Variants in DYM observed in about 807,000 individuals in gnomAD.
The protein encoded by DYM is dymeclin, also known as dyggve-Melchior-Clausen syndrome protein.
A neutral mutation model predicts 93.1 loss-of-function variants in DYM; 78 were observed. The ratio of observed to expected loss-of-function variants is 0.84; its 90% CI spans 0.70 to 1.01. The LOEUF (loss-of-function observed/expected upper bound fraction) is 1.01, where lower values mean the gene tolerates loss of function less well. Ranked by LOEUF, DYM falls within the 50% of genes least tolerant of loss-of-function variation. The probability of loss-of-function intolerance (pLI) is 0.00; values close to 1 mark genes in which losing one functional copy is unlikely to be tolerated. For missense variants in DYM, 789 were observed against 845.0 expected (o/e 0.93, Z 0.82); for synonymous variants, 321 against 319.7 (o/e 1.00, Z -0.04).
intron 2 of DYM, among the ~76,000 whole-genome samples, chr18:49,425,125 A>G (rs2074138852): frequency 1.3e-5 from 2 of 152,156 alleles, no homozygotes; most frequent in South Asian, 2.1e-4. Flanking sequence ...CAGGCATCAC[A>G]CTACCTGACT....
chr18:49,439,745 T>C (rs995616907), intron 1 of DYM, among the ~76,000 whole-genome samples: 5 of 152,322 alleles, frequency 3.3e-5, no homozygotes, highest in African/African-American at 1.2e-4. Context: ...GGCTCATGCC[T>C]GTAATTCCAG....
intron 13 of DYM, among the ~76,000 whole-genome samples, chr18:49,247,647 C>T (rs560798729): frequency 2.8e-4 from 42 of 152,276 alleles, no homozygotes; most frequent in African/African-American, 9.6e-4. Flanking sequence ...ATCTGATAAA[C>T]ATATGACATG....
chr18:49,292,297 C>CAG (rs2060163283), intron 8 of DYM, among the ~76,000 whole-genome samples: 1 of 95,676 alleles, frequency 1.0e-5, no homozygotes. Flanking sequence ...TCCACCAACA[C>CAG]AGACAGACAG....
At chr18:49,220,132 C>T (rs1486864314) in intron 13 of DYM, among the ~76,000 whole-genome samples, 1 of 152,162 alleles carries the variant, frequency 6.6e-6, no homozygotes, top group Non-Finnish European at 1.5e-5. Context: ...AGAGCCAAAT[C>T]ATGAGTGAAC....
chr18:49,271,281 A>C (rs1315074382), intron 11 of DYM, among the ~76,000 whole-genome samples: 2 of 152,210 alleles, frequency 1.3e-5, no homozygotes, highest in Admixed American at 6.5e-5. Flanking sequence ...CAAGAAAGGA[A>C]ACGCAATTAT....
At chr18:49,214,914 G>A (rs1485476999) in intron 13 of DYM, among the ~76,000 whole-genome samples, 5 of 152,186 alleles carry the variant, frequency 3.3e-5, no homozygotes, top group South Asian at 4.1e-4. Flanking sequence ...CAGAATCACA[G>A]GGCTGGGAGA....
Position 49,413,247 on chromosome 18 carries a change from G to A in DYM, c.140+17008C>T, listed in dbSNP as rs937934628. 4.6e-5 allele frequency: 7 copies of A among 152,062 alleles called. No homozygotes were observed. The East Asian group carries it at 7.7e-4, about 17-fold the overall frequency. 9.4% of individuals were successfully genotyped at this position (152,062 alleles called of 1,614,324 possible). A position where few individuals can be genotyped will look rare whatever the true frequency, so the allele number is the denominator to read the frequency against. ...TTTAAATTAAATCTGGTCCTTACTT[G>A]CTACTCACTGTGTGGCTTTAGACAA... On this transcript the variant is annotated intron_variant, in intron 2 of 17. Transcript: ENST00000675505.
intron 16 of DYM, among the ~76,000 whole-genome samples, chr18:49,108,418 C>T (rs1342863825): frequency 6.6e-6 from 1 of 152,244 alleles, no homozygotes; most frequent in African/African-American, 2.4e-5. Flanking sequence ...CTGTCCTACA[C>T]CCACTTTCCG....
At chr18:49,452,574 G>C (rs1659569361) in intron 1 of DYM, among the ~76,000 whole-genome samples, 1 of 152,118 alleles carries the variant, frequency 6.6e-6, no homozygotes, top group African/African-American at 2.4e-5. Context: ...TACAAACCTT[G>C]AGCTAGACAC....
chr18:49,210,587 G>A (rs2092733034), intron 13 of DYM, among the ~76,000 whole-genome samples: 1 of 152,246 alleles, frequency 6.6e-6, no homozygotes, highest in Admixed American at 6.5e-5. Flanking sequence ...AGGATTTTTA[G>A]GACAGTGAAG....
At chr18:49,229,097 A>G (rs148706565) in intron 13 of DYM, among the ~76,000 whole-genome samples, 1 of 151,728 alleles carries the variant, frequency 6.6e-6, no homozygotes, top group African/African-American at 2.4e-5. Flanking sequence ...AAATGATTCT[A>G]TATTATTTAT....
intron 9 of DYM, among the ~76,000 whole-genome samples, chr18:49,283,535 T>C (rs1454394694): frequency 6.6e-6 from 1 of 152,074 alleles, no homozygotes; most frequent in Non-Finnish European, 1.5e-5. Context: ...TTCCAACAGT[T>C]AACTGGATTT....
intron 2 of DYM, among the ~76,000 whole-genome samples, chr18:49,392,166 T>C (rs566209081): frequency 6.6e-6 from 1 of 152,052 alleles, no homozygotes; most frequent in South Asian, 2.1e-4. Flanking sequence ...GATACAAAGA[T>C]ACAAACATAC....
chr18:49,415,364 G>A (rs1600079325), intron 2 of DYM, among the ~76,000 whole-genome samples: 2 of 146,072 alleles, frequency 1.4e-5, no homozygotes, highest in East Asian at 2.0e-4. Flanking sequence ...TTAAAAATGA[G>A]AGAGAATTAA....
chr18:49,207,529 T>A (rs2092576768), intron 14 of DYM, among the ~76,000 whole-genome samples: 1 of 152,208 alleles, frequency 6.6e-6, no homozygotes, highest in Non-Finnish European at 1.5e-5. Flanking sequence ...TTAACATTTA[T>A]GGAATGTTAA....
intron 6 of DYM, among the ~76,000 whole-genome samples, chr18:49,353,855 C>G (rs148506911): frequency 6.6e-6 from 1 of 152,080 alleles, no homozygotes; most frequent in Non-Finnish European, 1.5e-5. Context: ...TTAATGTGAT[C>G]TACAGATGCA....
At chr18:49,142,189 T>C (rs1397742270) in intron 15 of DYM, among the ~76,000 whole-genome samples, 2 of 152,132 alleles carry the variant, frequency 1.3e-5, no homozygotes, top group Non-Finnish European at 2.9e-5. Flanking sequence ...TTATGGATGA[T>C]GTTTTCCTTG....
At chr18:49,156,688 T>C (rs367993444) in intron 15 of DYM, among the ~76,000 whole-genome samples, 2 of 141,852 alleles carry the variant, frequency 1.4e-5, no homozygotes, top group African/African-American at 2.7e-5. Context: ...GCTGACATCA[T>C]GCCACTGTGC....
At chr18:49,410,354 C>CCGGT (rs1271086687) in intron 2 of DYM, among the ~76,000 whole-genome samples, 1 of 151,914 alleles carries the variant, frequency 6.6e-6, no homozygotes, top group African/African-American at 2.4e-5. Flanking sequence ...GCCACAGTAC[C>CCGGT]CAGTCACTGG....
Sources: allele counts gnomAD v4.1 joint callset (sites outside exome capture counted in the v4.1 genomes callset), GRCh38; gene constraint gnomAD v4.1.1; transcripts MANE v1.5; gene names NCBI Gene and HGNC (gene_info 2026-07-23, HGNC 2026-07-21).